Variants in GPR101 observed in about 807,000 individuals in gnomAD.
GPR101 encodes probable G protein-coupled receptor 101.
A neutral mutation model predicts 16.4 loss-of-function variants in GPR101; 8 were observed. That is an observed-to-expected ratio of 0.49 (90% CI 0.29 to 0.88). GPR101 has a LOEUF of 0.88. Among genes scored for constraint, GPR101 ranks in the 40% least tolerant of loss-of-function variants. The pLI is 0.09. For missense variants in GPR101, 375 were observed against 411.7 expected (o/e 0.91, Z 0.77); for synonymous variants, 155 against 168.7 (o/e 0.92, Z 0.63).
In GPR101 at chrX:137,031,411, C is replaced by T; in HGVS notation, c.264G>A (p.Val88=). 1 of 1,189,621 alleles carries T rather than the reference C, an allele frequency of 8.4e-7. No homozygotes were observed. Among genetic ancestry groups the T allele is most frequent in the Middle Eastern group, 2.4e-4 (1 of 4,234 alleles). ...AGAAGAGAGGCACAGAGGTGGCCAC[C>T]ACCCAGGGGGCCACGAGCGAAATCT... is the stretch of plus-strand genomic sequence containing the variant. ...LLQISLVAPW[V]VATSVPLFWP... The change falls in exon 2 of 2, where the codon GTG becomes GTA. Residue 88 remains valine (V), a synonymous_variant. Coordinates refer to ENST00000651716, the MANE Select transcript of GPR101 (RefSeq NM_054021.2).
In GPR101 at chrX:137,030,557, G is replaced by C; in HGVS notation, c.1118C>G (p.Pro373Arg). The change falls in exon 2 of 2, where the codon CCG (proline) becomes CGG (arginine). Residue 373 changes from proline to arginine, a missense_variant. Pro to Arg is a moderately radical substitution (Grantham distance 103, BLOSUM62 -2). Coordinates refer to ENST00000651716, the MANE Select transcript of GPR101 (RefSeq NM_054021.2). ...SEDDVEAVNI[P>R]ESLPPSRRNS... ...ACGACGACTGGGTGGGAGGCTCTCC[G>C]GGATGTTCACTGCCTCGACGTCATC... 1 of 1,211,093 alleles carries C rather than the reference G, an allele frequency of 8.3e-7. No individual in the cohort carries two copies. Among genetic ancestry groups the C allele is most frequent in the African/African-American group, 1.7e-5 (1 of 57,697 alleles).
rs1234561160 is a variant in GPR101, at chrX:137,031,242, G to C, written c.433C>G (p.Gln145Glu). 1 of 1,211,761 alleles carries C rather than the reference G, an allele frequency of 8.3e-7. No homozygotes were observed. The highest frequency in any genetic ancestry group is 2.2e-5 in the Admixed American group (1 of 46,090). Residue 145 changes from glutamine (Q) to glutamate (E), a missense_variant, in exon 2 of 2, where the codon CAG becomes GAG. Gln to Glu is a conservative substitution (Grantham distance 29). Transcript: ENST00000651716. ...HPLSYPSKMT[Q>E]RRGYLLLYGT... is the part of the protein sequence containing the mutation. ...TAGAGGAGCAGGTAACCGCGGCGCTGGGTCATCTTGGACGGGTAGGAGAGA... is the reference window on the plus strand; with the variant it reads ...TAGAGGAGCAGGTAACCGCGGCGCTCGGTCATCTTGGACGGGTAGGAGAGA...
intron 1 of GPR101, among the ~76,000 whole-genome samples, 92 bp from the exon 2 acceptor site, chrX:137,031,858 C>T (rs1927274621): frequency 8.9e-6 from 1 of 112,274 alleles, no homozygotes; most frequent in African/African-American, 3.2e-5. Context: ...ACCCCCTACC[C>T]CGGGTTTCCG....
chrX:137,026,157 TAGAAGGAAACG>T lies in GPR101; in HGVS notation c.*3980_*3990del, dbSNP rs1927165078. On this transcript the variant is annotated 3_prime_UTR_variant, in exon 2 of 2. Coordinates refer to ENST00000651716, the MANE Select transcript of GPR101 (RefSeq NM_054021.2). ...TGTTCCTGTAATCTTTTGTCTGGTCTAGAAGGAAACGGCATTTTGCTTAGAGAAACCTCTCC... is the reference window on the plus strand; with the variant it reads ...TGTTCCTGTAATCTTTTGTCTGGTCTGCATTTTGCTTAGAGAAACCTCTCC... Among the ~76,000 whole-genome samples, 1 of 112,244 alleles carries T rather than the reference TAGAAGGAAACG, an allele frequency of 8.9e-6. No homozygotes were observed. The highest frequency in any genetic ancestry group is 1.9e-5 in the Non-Finnish European group (1 of 53,255).
chrX:137,030,022 A>T lies in GPR101; in HGVS notation c.*126T>A, dbSNP rs1173365338. On this transcript the variant is annotated 3_prime_UTR_variant, in exon 2 of 2. Transcript: ENST00000651716. ...ATTTATCTACCTTGTGGTGAAGAGC[A>T]TGTGTGTGCAACACCTTTGCCTGAA... is the stretch of plus-strand genomic sequence containing the variant. 1.9e-6 allele frequency: 1 copy of T among 525,693 alleles called. No individual in the cohort carries two copies. Among genetic ancestry groups the T allele is most frequent in the Non-Finnish European group, 3.0e-6 (1 of 328,844 alleles). 43.3% of individuals were successfully genotyped at this position (525,693 alleles called of 1,213,427 possible).
In GPR101 at chrX:137,032,095, C is replaced by T. The variant is rs185870831; in HGVS notation, c.-92-329G>A. On this transcript the variant is annotated intron_variant, in intron 1 of 1. Coordinates refer to ENST00000651716, the MANE Select transcript of GPR101 (RefSeq NM_054021.2). ...TGCGCTCTCTGTTTCTGTCTGTTTACGACCGTCAGTTTCTGTCTCTTCTCC... is the reference window on the plus strand; with the variant it reads ...TGCGCTCTCTGTTTCTGTCTGTTTATGACCGTCAGTTTCTGTCTCTTCTCC... 2.1e-3 allele frequency among the ~76,000 whole-genome samples: 239 copies of T among 111,359 alleles called. 1 individual carries two copies. Among genetic ancestry groups the T allele is most frequent in the African/African-American group, 7.2e-3 (220 of 30,589 alleles).
In GPR101 at chrX:137,024,077, G is replaced by A. The variant is rs1927132918; in HGVS notation, c.*6071C>T. 8.9e-6 allele frequency among the ~76,000 whole-genome samples: 1 copy of A among 112,074 alleles called. No homozygotes were observed. The highest frequency in any genetic ancestry group is 3.7e-4 in the South Asian group (1 of 2,711). On this transcript the variant is annotated 3_prime_UTR_variant, in exon 2 of 2. Coordinates refer to ENST00000651716, the MANE Select transcript of GPR101 (RefSeq NM_054021.2). ...ATTTCTCCGCATTTCCCAAGCAGGA[G>A]TCCGTTATTCCTTTCCAGCAAAAGA...
Position 137,030,801 on chromosome X carries a change from C to G in GPR101, c.874G>C (p.Gly292Arg). The G allele has an allele frequency of 8.3e-7, 1 of 1,211,791 alleles. No homozygotes were observed. Among genetic ancestry groups the G allele is most frequent in the Non-Finnish European group, 1.1e-6 (1 of 895,530 alleles). ...GCCTCTACACTACTCTCACTGGTCC[C>G]CGTGCTTCCTTCCTTGGCCTTCAGG... ...GSLKAKEGSTGTSESSVEARG... is the reference protein window; with the variant it reads ...GSLKAKEGSTRTSESSVEARG... Residue 292 changes from glycine (G) to arginine (R), a missense_variant, in exon 2 of 2, where the codon GGG (glycine) becomes CGG (arginine). Coordinates refer to ENST00000651716, the MANE Select transcript of GPR101 (RefSeq NM_054021.2).
At position 137,025,606 on chromosome X, in the gene GPR101, T is replaced by C. The variant is rs969687523; in HGVS notation, c.*4542A>G. 1.8e-5 allele frequency among the ~76,000 whole-genome samples: 2 copies of C among 112,309 alleles called. No homozygotes were observed. Among genetic ancestry groups the C allele is most frequent in the South Asian group, 3.7e-4 (1 of 2,705 alleles). On this transcript the variant is annotated 3_prime_UTR_variant, in exon 2 of 2. Transcript: ENST00000651716. ...CAGACATAGTAAACCTCCTGCTGAG[T>C]GTCTAAGTCACTGTGGTTTTCCCTT...
At position 137,030,727 on chromosome X, in the gene GPR101, G is replaced by T; in HGVS notation, c.948C>A (p.Gly316=). The change falls in exon 2 of 2, where the codon GGC becomes GGA. Residue 316 remains glycine (G), a synonymous_variant. Transcript: ENST00000651716. ...TGCTGCCTTCCTTACCCTCCATGCT[G>T]CCGTCGCTGGCCACCGTGCTGCTCT... The part of the protein sequence containing the change: ...VRESSTVASD[G]SMEGKEGSTK... The T allele has an allele frequency of 8.3e-7, 1 of 1,210,673 alleles. No individual in the cohort carries two copies. The highest frequency in any genetic ancestry group is 1.1e-6 in the Non-Finnish European group (1 of 895,196).
Position 137,031,266 on chromosome X carries a change from G to T in GPR101, c.409C>A (p.Leu137Ile). Reference sequence around the variant, plus strand: ...TGGGTCATCTTGGACGGGTAGGAGAGAGGGTGGATGATGGACAAGTAGCGA... The same window carrying T: ...TGGGTCATCTTGGACGGGTAGGAGATAGGGTGGATGATGGACAAGTAGCGA... ...VDRYLSIIHP[L>I]SYPSKMTQRR... is the part of the protein sequence containing the mutation. The change falls in exon 2 of 2, where the codon CTC becomes ATC. Residue 137 changes from leucine to isoleucine, a missense_variant. Physicochemically the swap from Leu to Ile is conservative, Grantham distance 5. Coordinates refer to ENST00000651716, the MANE Select transcript of GPR101 (RefSeq NM_054021.2). 8.3e-7 allele frequency: 1 copy of T among 1,211,531 alleles called. No individual in the cohort carries two copies. The highest frequency in any genetic ancestry group is 1.1e-6 in the Non-Finnish European group (1 of 895,456).
intron 1 of GPR101, among the ~76,000 whole-genome samples, chrX:137,033,212 T>C (rs1927301105): frequency 9.1e-6 from 1 of 109,961 alleles, no homozygotes; most frequent in Non-Finnish European, 1.9e-5. Flanking sequence ...TCCTCTTTGC[T>C]TTCTCCGGAT....
chrX:137,033,133 CAG>C (rs1234562475), intron 1 of GPR101, among the ~76,000 whole-genome samples: 4 of 110,707 alleles, frequency 3.6e-5, no homozygotes, highest in African/African-American at 9.9e-5. Flanking sequence ...CTGGAAAATG[CAG>C]AGAGGATGCC....
intron 1 of GPR101, among the ~76,000 whole-genome samples, chrX:137,033,191 C>T (rs1336191664): frequency 1.8e-5 from 2 of 110,470 alleles, no homozygotes; most frequent in African/African-American, 6.6e-5. Context: ...ATCCCCATTC[C>T]CAATTTGGCA....
rs1424457930 is a variant in GPR101, at chrX:137,030,813, C to T, written c.862G>A (p.Glu288Lys). The change falls in exon 2 of 2, where the codon GAA becomes AAA. Residue 288 changes from glutamate (E) to lysine (K), a missense_variant. Transcript: ENST00000651716. ...CTCTCACTGGTCCCCGTGCTTCCTT[C>T]CTTGGCCTTCAGGCTGCCGTCCTTG... ...EAKDGSLKAK[E>K]GSTGTSESSV... is the part of the protein sequence containing the mutation. The T allele has an allele frequency of 8.3e-7, 1 of 1,209,664 alleles. No homozygotes were observed. The highest frequency in any genetic ancestry group is 1.8e-5 in the African/African-American group (1 of 56,973).
At chrX:137,033,062 C>CG (rs1927298067) in intron 1 of GPR101, among the ~76,000 whole-genome samples, 1 of 111,349 alleles carries the variant, frequency 9.0e-6, no homozygotes, top group Non-Finnish European at 1.9e-5. Context: ...AACCACCTGC[C>CG]GCCCCGGCCA....
Position 137,031,617 on chromosome X carries a change from G to A in GPR101, c.58C>T (p.Pro20Ser). The part of the protein sequence containing the change: ...RESNSSHTCM[P>S]LSKMPISLAH... ...AGGCTGATGGGCATTTTGGAGAGGG[G>A]CATGCACGTGTGGCTGCTGTTACTC... The change falls in exon 2 of 2, where the codon CCC becomes TCC. Residue 20 changes from proline (P) to serine (S), a missense_variant. Pro to Ser is a moderately conservative substitution (Grantham distance 74, BLOSUM62 -1). Coordinates refer to ENST00000651716, the MANE Select transcript of GPR101 (RefSeq NM_054021.2). The A allele has an allele frequency of 8.3e-7, 1 of 1,202,446 alleles. No homozygotes were observed. Among genetic ancestry groups the A allele is most frequent in the Non-Finnish European group, 1.1e-6 (1 of 890,602 alleles).
In GPR101 at chrX:137,030,395, A is replaced by G; in HGVS notation, c.1280T>C (p.Val427Ala). 8.3e-7 allele frequency: 1 copy of G among 1,210,388 alleles called. No homozygotes were observed. Among genetic ancestry groups the G allele is most frequent in the Non-Finnish European group, 1.1e-6 (1 of 894,917 alleles). The change falls in exon 2 of 2, where the codon GTC becomes GCC. Residue 427 changes from valine to alanine, a missense_variant. By Grantham distance (64) the Val-to-Ala change is moderately conservative (BLOSUM62 0). Coordinates refer to ENST00000651716, the MANE Select transcript of GPR101 (RefSeq NM_054021.2). ...FLAVLAVWVD[V>A]ETQVPQWVIT... ...CACCCACTGGGGTACCTGGGTTTCG[A>G]CATCCACCCACACGGCCAGGACTGC... is the stretch of plus-strand genomic sequence containing the variant.
chrX:137,025,742 C>A lies in GPR101; in HGVS notation c.*4406G>T, dbSNP rs773082674. Among the ~76,000 whole-genome samples the A allele has an allele frequency of 8.9e-6, 1 of 112,178 alleles. No individual in the cohort carries two copies. The highest frequency in any genetic ancestry group is 1.9e-5 in the Non-Finnish European group (1 of 53,242). On this transcript the variant is annotated 3_prime_UTR_variant, in exon 2 of 2. Coordinates refer to ENST00000651716, the MANE Select transcript of GPR101 (RefSeq NM_054021.2). ...GATTCTTATTCTATTTACCAAAGAG[C>A]AGTGAACTTGTCAGTGACCTGGCAA...
Sources: allele counts gnomAD v4.1 joint callset (sites outside exome capture counted in the v4.1 genomes callset), GRCh38; gene constraint gnomAD v4.1.1; transcripts MANE v1.5; gene names NCBI Gene and HGNC (gene_info 2026-07-23, HGNC 2026-07-21).